The following SH3GL2 variants were observed in gnomAD, a reference collection of about 807,000 sequenced individuals.
The protein encoded by SH3GL2 is endophilin-A1.
SH3GL2 carries 24 observed loss-of-function variants against 46.0 expected under a neutral mutation model. That is an observed-to-expected ratio of 0.52 (90% CI 0.38 to 0.73). The LOEUF (loss-of-function observed/expected upper bound fraction) is 0.73, where lower values mean the gene tolerates loss of function less well. SH3GL2 is among the 30% of genes least tolerant of loss of function. SH3GL2 has a pLI of 0.00. For missense variants in SH3GL2, 413 were observed against 424.2 expected (o/e 0.97, Z 0.23); for synonymous variants, 196 against 147.1 (o/e 1.33, Z -2.40).
intron 1 of SH3GL2, among the ~76,000 whole-genome samples, chr9:17,715,407 G>A (rs1821726639): frequency 6.6e-6 from 1 of 151,154 alleles, no homozygotes; most frequent in Non-Finnish European, 1.5e-5. Context: ...AATTTTTTTT[G>A]TCTCTCTCCA....
intron 1 of SH3GL2, among the ~76,000 whole-genome samples, chr9:17,691,598 A>G (rs556599730): frequency 6.6e-6 from 1 of 152,292 alleles, no homozygotes; most frequent in Non-Finnish European, 1.5e-5. Context: ...TTTATTGAAC[A>G]TATGAAATAA....
chr9:17,658,837 G>T (rs545437704), intron 1 of SH3GL2, among the ~76,000 whole-genome samples: 4 of 152,282 alleles, frequency 2.6e-5, no homozygotes, highest in Middle Eastern at 3.4e-3. Flanking sequence ...ACCACTGCTT[G>T]CTCTACCAAG....
chr9:17,756,984 C>A (rs1186775186), intron 2 of SH3GL2, among the ~76,000 whole-genome samples: 3 of 152,126 alleles, frequency 2.0e-5, no homozygotes, highest in Non-Finnish European at 4.4e-5. Flanking sequence ...CTCTCCAGCA[C>A]CTGTTGTTTC....
chr9:17,720,728 T>C (rs930995002), intron 1 of SH3GL2, among the ~76,000 whole-genome samples: 1 of 152,044 alleles, frequency 6.6e-6, no homozygotes, highest in African/African-American at 2.4e-5. Flanking sequence ...GTAAGAAAAA[T>C]GAAGGACTTA....
At chr9:17,594,662 A>T (rs1357503734) in intron 1 of SH3GL2, among the ~76,000 whole-genome samples, 3 of 143,158 alleles carry the variant, frequency 2.1e-5, no homozygotes, top group Non-Finnish European at 4.8e-5. Context: ...TTAAAAAAAT[A>T]ATTGTGTGTT....
rs1239602961 is a variant in SH3GL2 at position 17,791,307 on chromosome 9, A to C, written c.701A>C (p.Gln234Pro). 6.2e-7 allele frequency: 1 copy of C among 1,612,912 alleles called. No individual in the cohort carries two copies. ...EYHKQAVQIL[Q>P]QVTVRLEERI... ...CACAAGCAGGCAGTCCAGATCCTGC[A>C]GCAAGTCACGGTCAGACTGGAAGAA... The change falls in exon 7 of 9, where the codon CAG becomes CCG. Residue 234 changes from glutamine (Q) to proline (P), a missense_variant. Transcript: ENST00000380607.
chr9:17,714,174 T>G (rs929342698), intron 1 of SH3GL2, among the ~76,000 whole-genome samples: 2 of 151,732 alleles, frequency 1.3e-5, no homozygotes, highest in African/African-American at 4.8e-5. Context: ...ATTTTTTACT[T>G]GTGTTGACTT....
At chr9:17,618,115 T>A (rs1178229356) in intron 1 of SH3GL2, among the ~76,000 whole-genome samples, 3 of 152,070 alleles carry the variant, frequency 2.0e-5, no homozygotes, top group Non-Finnish European at 4.4e-5. Context: ...TTGCATTGGT[T>A]CTCAACCGGG....
At chr9:17,609,683 G>A (rs749240984) in intron 1 of SH3GL2, among the ~76,000 whole-genome samples, 1 of 152,200 alleles carries the variant, frequency 6.6e-6, no homozygotes, top group Non-Finnish European at 1.5e-5. Context: ...TACTTGATAC[G>A]GCTTTGGGGA....
chr9:17,735,537 G>A (rs1004863280), intron 1 of SH3GL2, among the ~76,000 whole-genome samples: 2 of 152,062 alleles, frequency 1.3e-5, no homozygotes, highest in Admixed American at 6.6e-5. Flanking sequence ...ACCAAACGTG[G>A]GTGGAATATA....
Position 17,653,749 on chromosome 9 carries a change from T to C in SH3GL2, c.45+74462T>C, listed in dbSNP as rs1023882295. 2.9e-5 allele frequency: 7 copies of C among 244,970 alleles called. 1 individual carries two copies. The highest frequency in any genetic ancestry group is 4.6e-5 in the Non-Finnish European group (7 of 152,968). 15.2% of individuals were successfully genotyped at this position (244,970 alleles called of 1,614,324 possible). ...TTTATTGCTCAGAGGAACTTAACTT[T>C]TACATGGAAGCCTGAAGGGTGAAAG... On this transcript the variant is annotated intron_variant, in intron 1 of 8. Transcript: ENST00000380607.
intron 1 of SH3GL2, among the ~76,000 whole-genome samples, chr9:17,662,470 A>T (rs923659118): frequency 1.3e-5 from 2 of 152,114 alleles, no homozygotes; most frequent in African/African-American, 4.8e-5. Flanking sequence ...AAATACTATC[A>T]TGCCTTTGGC....
chr9:17,680,680 T>G (rs1478704028), intron 1 of SH3GL2, among the ~76,000 whole-genome samples: 1 of 152,176 alleles, frequency 6.6e-6, no homozygotes, highest in Non-Finnish European at 1.5e-5. Flanking sequence ...AGCTTTTGAG[T>G]GTGTTTGCTG....
chr9:17,615,658 C>CAAAAAAA (rs55926751), intron 1 of SH3GL2, among the ~76,000 whole-genome samples: 1 of 82,646 alleles, frequency 1.2e-5, no homozygotes, highest in Non-Finnish European at 2.3e-5. Flanking sequence ...GACTCCGTCT[C>CAAAAAAA]AAAAAAAAAA....
chr9:17,701,593 G>A (rs991101562), intron 1 of SH3GL2, among the ~76,000 whole-genome samples: 1 of 152,030 alleles, frequency 6.6e-6, no homozygotes, highest in African/African-American at 2.4e-5. Flanking sequence ...ACAACATGAC[G>A]AACAATAAGC....
At chr9:17,643,024 G>A (rs936889529) in intron 1 of SH3GL2, among the ~76,000 whole-genome samples, 7 of 152,162 alleles carry the variant, frequency 4.6e-5, no homozygotes, top group Non-Finnish European at 7.3e-5. Context: ...CCACGAGCAT[G>A]GAATGTTTTT....
chr9:17,631,843 A>T (rs1386274169), intron 1 of SH3GL2, among the ~76,000 whole-genome samples: 1 of 152,184 alleles, frequency 6.6e-6, no homozygotes, highest in Non-Finnish European at 1.5e-5. Flanking sequence ...TGATAACTTC[A>T]GGCCTGCTCC....
intron 1 of SH3GL2, among the ~76,000 whole-genome samples, chr9:17,622,215 G>A (rs3808750): frequency 0.4 from 61,186 of 151,932 alleles, 12,918 homozygotes; most frequent in African/African-American, 0.52. Flanking sequence ...TACTTGCCAG[G>A]GTGGTACATT....
At chr9:17,677,376 A>G (rs572419711) in intron 1 of SH3GL2, among the ~76,000 whole-genome samples, 1 of 152,242 alleles carries the variant, frequency 6.6e-6, no homozygotes, top group East Asian at 1.9e-4. Flanking sequence ...GGGATGGCTC[A>G]ATATTAATTT....
Sources: gnomAD v4.1 joint callset for allele counts (sites outside exome capture counted in the v4.1 genomes callset) on GRCh38, gnomAD v4.1.1 for gene constraint, MANE v1.5 for transcripts, NCBI Gene and HGNC (gene_info 2026-07-23, HGNC 2026-07-21) for gene names.